CENPF: variants seen among roughly 807,000 people sequenced by gnomAD.
CENPF encodes the protein centromere protein F.
A neutral mutation model predicts 307.3 loss-of-function variants in CENPF; 214 were observed. The observed-to-expected ratio is 0.70, with a 90% CI of 0.62 to 0.78. CENPF has a LOEUF of 0.78. Among genes scored for constraint, CENPF ranks in the 30% least tolerant of loss-of-function variants. The pLI is 0.00. For missense variants in CENPF, 3,401 were observed against 3,483.9 expected, an observed-to-expected ratio of 0.98 and a Z score of 0.60; for synonymous variants, 1,259 against 1,270.6, an observed-to-expected ratio of 0.99 and a Z score of 0.19.
intron 1 of CENPF, chr1:214,605,596 A>G (rs1300324169): frequency 3.2e-6 from 4 of 1,265,038 alleles, no homozygotes; most frequent in Non-Finnish European, 4.4e-6. Flanking sequence ...GGGGGTCCAC[A>G]TGCAGCCCCT....
chr1:214,611,893 G>T (rs2666835), intron 1 of CENPF, among the ~76,000 whole-genome samples: 4,199 of 152,230 alleles, frequency 0.028, 199 homozygotes, highest in African/African-American at 0.096. Flanking sequence ...AAGACTATGG[G>T]GTTTTCTAGA....
At chr1:214,662,882 C>G (rs193068090) in intron 19 of CENPF, among the ~76,000 whole-genome samples, 11 of 152,052 alleles carry the variant, frequency 7.2e-5, no homozygotes, top group African/African-American at 2.4e-4. Flanking sequence ...TGGGCTCAAG[C>G]GATCCTCTTG....
At position 214,646,399 on chromosome 1, in the gene CENPF, G is replaced by C; in HGVS notation, c.6829G>C (p.Gly2277Arg). Residue 2277 changes from glycine to arginine, a missense_variant, in exon 13 of 20, where the codon GGT becomes CGT. Physicochemically the swap from Gly to Arg is moderately radical, Grantham distance 125. Transcript: ENST00000366955. ...ELNEAVAALCGDQEIMKATEQ... is the reference protein window; with the variant it reads ...ELNEAVAALCRDQEIMKATEQ... ...AAATGAGGCAGTAGCAGCCTTGTGT[G>C]GTGACCAAGAAATTATGAAGGCCAC... 1 of 1,614,038 alleles carries C rather than the reference G, an allele frequency of 6.2e-7. No homozygotes were observed. The highest frequency in any genetic ancestry group is 8.5e-7 in the Non-Finnish European group (1 of 1,179,988).
At chr1:214,618,432 T>A (rs1657416004) in intron 3 of CENPF, 141 bp from the exon 4 acceptor site, 1 of 1,016,328 alleles carries the variant, frequency 9.8e-7, no homozygotes, top group African/African-American at 1.6e-5. Context: ...ATGAAATGCC[T>A]GTTGGATAAA....
Position 214,651,718 on chromosome 1 carries a change from G to A in CENPF, c.7992G>A (p.Leu2664=). The stretch of plus-strand genomic sequence containing the variant: ...ATTATTTTTCTGTTTAGGATCAATT[G>A]AAGGAGCTCACACTAGAAAATAGTG... ...LEEIKSSKDQ[L]KELTLENSEL... is the part of the protein sequence containing the mutation. Residue 2664 remains leucine, a synonymous_variant, in exon 15 of 20, where the codon TTG becomes TTA. Coordinates refer to ENST00000366955, the MANE Select transcript of CENPF (RefSeq NM_016343.4). The A allele has an allele frequency of 6.3e-7, 1 of 1,581,782 alleles. No homozygotes were observed. Among genetic ancestry groups the A allele is most frequent in the Non-Finnish European group, 8.5e-7 (1 of 1,170,572 alleles).
At chr1:214,633,237 G>A (rs1657857966) in intron 10 of CENPF, among the ~76,000 whole-genome samples, 1 of 152,168 alleles carries the variant, frequency 6.6e-6, no homozygotes, top group Admixed American at 6.5e-5. Flanking sequence ...ACAAAGTGGT[G>A]GATGAGGGTT....
At chr1:214,654,815 G>A (rs1398366315) in intron 16 of CENPF, among the ~76,000 whole-genome samples, 7 of 151,940 alleles carry the variant, frequency 4.6e-5, no homozygotes, top group African/African-American at 1.7e-4. Flanking sequence ...GCCTTCACTT[G>A]GTATGGCTAA....
intron 1 of CENPF, among the ~76,000 whole-genome samples, chr1:214,607,181 C>CGG (rs1214463092): frequency 1.3e-5 from 2 of 152,242 alleles, no homozygotes; most frequent in Admixed American, 6.5e-5. Flanking sequence ...CTGTCACCTG[C>CGG]TACCAGGCAG....
In CENPF at chr1:214,646,383, A is replaced by C; in HGVS notation, c.6813A>C (p.Ala2271=). 6.2e-7 allele frequency: 1 copy of C among 1,614,144 alleles called. No homozygotes were observed. Among genetic ancestry groups the C allele is most frequent in the Non-Finnish European group, 8.5e-7 (1 of 1,180,008 alleles). The stretch of plus-strand genomic sequence containing the variant: ...ATCAGTTAAAGGAGCTAAATGAGGC[A>C]GTAGCAGCCTTGTGTGGTGACCAAG... The part of the protein sequence containing the change: ...LQNQLKELNE[A]VAALCGDQEI... Residue 2271 remains alanine (A), a synonymous_variant, in exon 13 of 20, where the codon GCA becomes GCC. Transcript: ENST00000366955.
chr1:214,647,038 G>T lies in CENPF; in HGVS notation c.7468G>T (p.Asp2490Tyr). 1 of 1,614,036 alleles carries T rather than the reference G, an allele frequency of 6.2e-7. No individual in the cohort carries two copies. The highest frequency in any genetic ancestry group is 1.7e-5 in the Admixed American group (1 of 60,012). Residue 2490 changes from aspartate to tyrosine, a missense_variant, in exon 13 of 20, where the codon GAT (aspartate) becomes TAT (tyrosine). Asp to Tyr is a radical substitution (Grantham distance 160). Transcript: ENST00000366955. ...LEKAQLLQGL[D>Y]EAKNNYIVLQ... is the part of the protein sequence containing the mutation. ...GAAGGCTCAGTTGCTACAAGGCCTT[G>T]ATGAGGCCAAAAATAATTATATTGT...
chr1:214,645,740 A>G lies in CENPF; in HGVS notation c.6170A>G (p.Gln2057Arg), dbSNP rs1166134965. 4 of 1,614,092 alleles carry G rather than the reference A, an allele frequency of 2.5e-6. No individual in the cohort carries two copies. In the African/African-American group the frequency reaches 5.3e-5, roughly 22 times the overall value. ...LSLTKCELEN[Q>R]IAQLNKEKEL... ...TTGACAAAATGTGAGCTGGAAAACCAAATTGCACAACTGAATAAAGAGAAA... is the reference window on the plus strand; with the variant it reads ...TTGACAAAATGTGAGCTGGAAAACCGAATTGCACAACTGAATAAAGAGAAA... Residue 2057 changes from glutamine to arginine, a missense_variant, in exon 13 of 20, where the codon CAA becomes CGA. Physicochemically the swap from Gln to Arg is conservative, Grantham distance 43 (BLOSUM62 1). Coordinates refer to ENST00000366955, the MANE Select transcript of CENPF (RefSeq NM_016343.4).
rs200151949 is a variant in CENPF, at chr1:214,642,686, T to G, written c.4348T>G (p.Ser1450Ala). 1 of 1,614,156 alleles carries G rather than the reference T, an allele frequency of 6.2e-7. No homozygotes were observed. The highest frequency in any genetic ancestry group is 1.7e-5 in the Admixed American group (1 of 60,014). ...ATTAAAGGCCGAAAATTTGGTCTTG[T>G]CAACGAATCTGAGAAACTTTCAAGG... ...DSLKAENLVL[S>A]TNLRNFQGDL... Residue 1450 changes from serine to alanine, a missense_variant, in exon 12 of 20, where the codon TCA becomes GCA. Physicochemically the swap from Ser to Ala is moderately conservative, Grantham distance 99. Coordinates refer to ENST00000366955, the MANE Select transcript of CENPF (RefSeq NM_016343.4).
intron 10 of CENPF, 69 bp downstream of exon 10, chr1:214,632,671 CTAT>C (rs1230187489): frequency 6.4e-7 from 1 of 1,558,646 alleles, no homozygotes; most frequent in East Asian, 2.3e-5. Flanking sequence ...AAGAATATTC[CTAT>C]TCCATTTGTC....
chr1:214,608,075 C>T (rs866451750), intron 1 of CENPF, among the ~76,000 whole-genome samples: 1 of 152,220 alleles, frequency 6.6e-6, no homozygotes, highest in African/African-American at 2.4e-5. Flanking sequence ...CAGGGGTTCC[C>T]AGGGAGCCTG....
rs748643758 is a variant in CENPF at position 214,641,665 on chromosome 1, T to A, written c.3327T>A (p.Ala1109=). 1.3e-6 allele frequency: 2 copies of A among 1,580,222 alleles called. No homozygotes were observed. The highest frequency in any genetic ancestry group is 1.7e-6 in the Non-Finnish European group (2 of 1,166,120). ...TAGAGTTGGAGACAGTGCAGCAAGC[T>A]CTGAGATCTGAGATGACAGATAACC... ...LMLELETVQQ[A]LRSEMTDNQN... The change falls in exon 12 of 20, where the codon GCT becomes GCA. Residue 1109 remains alanine (A), a synonymous_variant. Coordinates refer to ENST00000366955, the MANE Select transcript of CENPF (RefSeq NM_016343.4).
chr1:214,619,058 G>A (rs927215247), intron 4 of CENPF, 71 bp from the exon 5 acceptor site: 23 of 791,786 alleles, frequency 2.9e-5, no homozygotes, highest in Admixed American at 1.2e-4. Context: ...TATCAAAATC[G>A]TTGTTGATCT....
chr1:214,622,328 A>G, intron 7 of CENPF, 47 bp downstream of exon 7: 1 of 1,415,302 alleles, frequency 7.1e-7, no homozygotes, highest in Non-Finnish European at 9.8e-7. Context: ...ATCTTTTCAT[A>G]CAATTATTTA....
chr1:214,646,000 G>T lies in CENPF; in HGVS notation c.6430G>T (p.Glu2144Ter). ...KQLHIAEKLK[E>*]RERENDSLKD... The stretch of plus-strand genomic sequence containing the variant: ...GCTGCACATCGCAGAGAAACTGAAA[G>T]AACGCGAGCGGGAGAATGATTCACT... The change falls in exon 13 of 20, where the codon GAA becomes TAA. Residue 2144 changes from glutamate (E) to a stop codon, truncating the protein, a stop_gained. Transcript: ENST00000366955. LOFTEE classifies it high-confidence loss of function. 1 of 1,614,100 alleles carries T rather than the reference G, an allele frequency of 6.2e-7. No individual in the cohort carries two copies. Among genetic ancestry groups the T allele is most frequent in the South Asian group, 1.1e-5 (1 of 91,084 alleles).
chr1:214,663,522 G>T, intron 19 of CENPF, 69 bp from the exon 20 acceptor site: 1 of 1,455,670 alleles, frequency 6.9e-7, no homozygotes, highest in Non-Finnish European at 9.6e-7. Flanking sequence ...TAGTGACATA[G>T]TGCTTTATTT....
Sources: gnomAD v4.1 joint callset for allele counts (sites outside exome capture counted in the v4.1 genomes callset) on GRCh38, gnomAD v4.1.1 for gene constraint, MANE v1.5 for transcripts, NCBI Gene and HGNC (gene_info 2026-07-23, HGNC 2026-07-21) for gene names.